RTEL1: variants seen among roughly 807,000 people sequenced by gnomAD.
RTEL1 encodes regulator of telomere elongation helicase 1, also known as regulator of telomere length.
Under a neutral mutation model 162.2 loss-of-function variants are expected in RTEL1, and 86 were observed. The observed-to-expected ratio is 0.53, with a 90% confidence interval of 0.45 to 0.63. The LOEUF is 0.63. Among genes scored for constraint, RTEL1 ranks in the 30% least tolerant of loss-of-function variants. The pLI, the probability that RTEL1 is intolerant of heterozygous loss-of-function variation, is 0.00. For missense variants in RTEL1, 1,941 were observed against 1,750.2 expected, an observed-to-expected ratio of 1.11 and a Z score of -1.95; for synonymous variants, 958 against 717.9, an observed-to-expected ratio of 1.33 and a Z score of -5.35.
In RTEL1 at chr20:63,676,680, C is replaced by A. The variant is rs112645117; in HGVS notation, c.920-1465C>A. On this transcript the variant is annotated intron_variant, in intron 10 of 34. Coordinates refer to ENST00000360203, the MANE Select transcript of RTEL1 (RefSeq NM_001283009.2). ...GCCGGGTGTGCTGTCTCACACCTGT[C>A]ATCCCAGCACTTTGGGAGGCCCAGG... Among the ~76,000 whole-genome samples the A allele has an allele frequency of 4.4e-3, 668 of 152,246 alleles. 7 individuals are homozygous for A. The highest frequency in any genetic ancestry group is 0.015 in the African/African-American group (643 of 41,546).
chr20:63,691,613 C>T, intron 27 of RTEL1, 129 bp from the exon 28 acceptor site: 1 of 739,512 alleles, frequency 1.4e-6, no homozygotes, highest in East Asian at 2.6e-5. Flanking sequence ...GTGTGCTGTG[C>T]CCCCCTCCCC....
At chr20:63,691,661 T>C in intron 27 of RTEL1, 81 bp from the exon 28 acceptor site, 1 of 1,278,850 alleles carries the variant, frequency 7.8e-7, no homozygotes, top group Non-Finnish European at 1.1e-6. Flanking sequence ...TGGGACCATC[T>C]TCCCTGTGCG....
intron 6 of RTEL1, 92 bp downstream of exon 6, chr20:63,662,981 C>A: frequency 7.7e-7 from 1 of 1,301,328 alleles, no homozygotes; most frequent in Non-Finnish European, 1.1e-6. Context: ...GTTGTGCTTG[C>A]CCGGTGGGGC....
At chr20:63,665,719 C>T (rs543419687) in intron 6 of RTEL1, among the ~76,000 whole-genome samples, 8 of 152,250 alleles carry the variant, frequency 5.3e-5, no homozygotes, top group East Asian at 1.9e-4. Flanking sequence ...TGGGCTGTCT[C>T]GGAGAGGATG....
chr20:63,693,438 AGCACCAGCAGCACCACCT>A (rs1568719715), intron 30 of RTEL1, among the ~76,000 whole-genome samples, 155 bp downstream of exon 30: 9 of 131,624 alleles, frequency 6.8e-5, no homozygotes, highest in South Asian at 4.9e-4. Context: ...CTCCACCACC[AGCACCAGCAGCACCACCT>A]CCACCTCCAC....
intron 8 of RTEL1, among the ~76,000 whole-genome samples, chr20:63,669,132 G>A (rs541343181): frequency 9.9e-5 from 15 of 152,284 alleles, no homozygotes; most frequent in Non-Finnish European, 1.3e-4. Context: ...ACAGGCGTGC[G>A]CCACCATGCC....
Position 63,685,591 on chromosome 20 carries a change from C to A in RTEL1, c.1260C>A (p.Ser420=), listed in dbSNP as rs188479221. The part of the protein sequence containing the change: ...GSPAGLGALQ[S]YKVHIHPDAG... ...CAGCAGGGCTGGGGGCCTTACAGTC[C>A]TATAAGGTAGGGGCCACCTCCAGGA... Residue 420 remains serine (S), a synonymous_variant, in exon 15 of 35, where the codon TCC becomes TCA. Coordinates refer to ENST00000360203, the MANE Select transcript of RTEL1 (RefSeq NM_001283009.2). 6.2e-7 allele frequency: 1 copy of A among 1,611,310 alleles called. No homozygotes were observed. Among genetic ancestry groups the A allele is most frequent in the Non-Finnish European group, 8.5e-7 (1 of 1,179,444 alleles).
rs936464929 is a variant in RTEL1, at chr20:63,675,171, C to T, written c.919+1078C>T. Among the ~76,000 whole-genome samples the T allele has an allele frequency of 9.8e-5, 15 of 152,328 alleles. 1 individual carries two copies. The highest frequency in any genetic ancestry group is 1.8e-4 in the Non-Finnish European group (12 of 68,028). On this transcript the variant is annotated intron_variant, in intron 10 of 34. Transcript: ENST00000360203. ...CCACCCGCTTCGGCCTCCCAAAGTG[C>T]TGGGATTACAGGCGTGAGCCGCCAC...
chr20:63,691,433 C>T (rs1424135989), intron 27 of RTEL1, among the ~76,000 whole-genome samples: 1 of 152,170 alleles, frequency 6.6e-6, no homozygotes, highest in Non-Finnish European at 1.5e-5. Flanking sequence ...CCTTCAGGCC[C>T]CTGGAGTGAG....
intron 6 of RTEL1, among the ~76,000 whole-genome samples, chr20:63,664,122 G>A (rs1430065306): frequency 6.6e-6 from 1 of 152,212 alleles, no homozygotes; most frequent in African/African-American, 2.4e-5. Context: ...GTCCTAAGAA[G>A]GGGCTCTGCC....
intron 27 of RTEL1, 94 bp from the exon 28 acceptor site, chr20:63,691,648 C>A (rs2090747319): frequency 3.6e-6 from 4 of 1,118,308 alleles, no homozygotes; most frequent in South Asian, 2.7e-5. Flanking sequence ...GCTCAGGGCT[C>A]CTTGGGACCA....
At chr20:63,665,031 C>T (rs549831611) in intron 6 of RTEL1, 2 of 154,328 alleles carry the variant, frequency 1.3e-5, no homozygotes, top group South Asian at 2.0e-4. Flanking sequence ...TGGTGCTGCC[C>T]AGGGGTGTGC....
intron 14 of RTEL1, chr20:63,681,899 C>T (rs2090484312): frequency 2.0e-6 from 2 of 985,444 alleles, no homozygotes; most frequent in Non-Finnish European, 2.4e-6. Context: ...CTGTCTGTGG[C>T]TCCTGCCTGC....
Position 63,688,619 on chromosome 20 carries a change from CG to C in RTEL1, c.1800+18del, listed in dbSNP as rs1568709148. ...AGCTTCTCCGAGGTCGGCACTTGGC[CG>C]GGGCTCTGGGCCTGCTGCCCCCTCG... On this transcript the variant is annotated intron_variant, in intron 21 of 34. Coordinates refer to ENST00000360203, the MANE Select transcript of RTEL1 (RefSeq NM_001283009.2). The C allele has an allele frequency of 6.3e-7, 1 of 1,597,258 alleles. No homozygotes were observed. The highest frequency in any genetic ancestry group is 8.5e-7 in the Non-Finnish European group (1 of 1,174,140).
rs2090974706 is a variant in RTEL1, at chr20:63,696,136, C to T, written c.*278C>T. The T allele has an allele frequency of 1.9e-6, 1 of 516,224 alleles. No individual in the cohort carries two copies. Among genetic ancestry groups the T allele is most frequent in the East Asian group, 3.2e-5 (1 of 31,626 alleles). The allele number at this position is 516,224 out of a possible 1,614,324, so 32.0% of individuals were successfully genotyped here. A position where few individuals can be genotyped will look rare whatever the true frequency, so the allele number is the denominator to read the frequency against. ...GGCTCCTGGCCTGTGAGTGGTGCCA[C>T]AGGGGCACCCCAGCTGAGCCCCTCA... On this transcript the variant is annotated 3_prime_UTR_variant, in exon 35 of 35. Coordinates refer to ENST00000360203, the MANE Select transcript of RTEL1 (RefSeq NM_001283009.2).
Position 63,696,123 on chromosome 20 carries a change from GTGAGT to G in RTEL1, c.*266_*270del, listed in dbSNP as rs2090974352. The stretch of plus-strand genomic sequence containing the variant: ...CCAGAACTTCCCTGGCTCCTGGCCT[GTGAGT>G]GGTGCCACAGGGGCACCCCAGCTGA... On this transcript the variant is annotated 3_prime_UTR_variant, in exon 35 of 35. Transcript: ENST00000360203. 1.9e-6 allele frequency: 1 copy of G among 532,448 alleles called. No homozygotes were observed. The highest frequency in any genetic ancestry group is 1.9e-5 in the African/African-American group (1 of 51,958). 33.0% of individuals were successfully genotyped at this position (532,448 alleles called of 1,614,324 possible).
chr20:63,688,877 C>G, intron 21 of RTEL1, 178 bp from the exon 22 acceptor site: 1 of 700,298 alleles, frequency 1.4e-6, no homozygotes. Context: ...TTCTGGGAAG[C>G]ACTGAGCAGG....
rs116773320 is a variant in RTEL1, at chr20:63,695,165, C to A, written c.3443C>A (p.Pro1148His). 9.2e-5 allele frequency: 148 copies of A among 1,612,360 alleles called. No homozygotes were observed. Among genetic ancestry groups the A allele is most frequent in the Non-Finnish European group, 1.2e-4 (145 of 1,179,856 alleles). The change falls in exon 33 of 35, where the codon CCC becomes CAC. Residue 1148 changes from proline (P) to histidine (H), a missense_variant. By Grantham distance (77) the Pro-to-His change is moderately conservative. Transcript: ENST00000360203. ...RPYPGMEPPG[P>H]QEERLAVPPV... ...TACCCGGGCATGGAGCCACCGGGAC[C>A]CCAGGAGGAGAGGCTTGCCGTGCCT...
chr20:63,678,228 C>CT (rs2090397101), intron 11 of RTEL1, 40 bp from the exon 12 acceptor site: 10 of 1,613,152 alleles, frequency 6.2e-6, no homozygotes, highest in Non-Finnish European at 7.6e-6. Flanking sequence ...GTGGGGCCTC[C>CT]TCCTTGCGAG....
Sources: allele counts gnomAD v4.1 joint callset (sites outside exome capture counted in the v4.1 genomes callset), GRCh38; gene constraint gnomAD v4.1.1; transcripts MANE v1.5; gene names NCBI Gene and HGNC (gene_info 2026-07-23, HGNC 2026-07-21).